The following CNTN5 variants were observed in gnomAD, a reference collection of about 807,000 sequenced individuals.
The protein encoded by CNTN5 is contactin-5.
CNTN5 carries 77 observed loss-of-function variants against 129.1 expected under a neutral mutation model. The ratio of observed to expected loss-of-function variants is 0.60; its 90% CI spans 0.50 to 0.72. CNTN5 has a LOEUF of 0.72. CNTN5 is among the 30% of genes least tolerant of loss of function. The pLI, the probability that CNTN5 is intolerant of heterozygous loss-of-function variation, is 0.00. For missense variants in CNTN5, 1,478 were observed against 1,328.8 expected (o/e 1.11, Z -1.75); for synonymous variants, 509 against 465.6 (o/e 1.09, Z -1.20).
At chr11:99,726,143 C>T (rs559283128) in intron 3 of CNTN5, among the ~76,000 whole-genome samples, 10 of 152,258 alleles carry the variant, frequency 6.6e-5, no homozygotes, top group Non-Finnish European at 1.3e-4. Flanking sequence ...GGGCCACATC[C>T]ACCATCACTT....
At chr11:100,100,523 T>C (rs887164095) in intron 13 of CNTN5, among the ~76,000 whole-genome samples, 2 of 152,120 alleles carry the variant, frequency 1.3e-5, no homozygotes, top group African/African-American at 4.8e-5. Flanking sequence ...TGTCTCTCCA[T>C]CCACTGTCTG....
At chr11:99,644,482 A>G (rs940378217) in intron 3 of CNTN5, among the ~76,000 whole-genome samples, 1 of 152,156 alleles carries the variant, frequency 6.6e-6, no homozygotes, top group Non-Finnish European at 1.5e-5. Flanking sequence ...AATTCTTCCT[A>G]TCTATAGGAT....
chr11:100,016,007 A>C (rs1940801920), intron 9 of CNTN5, among the ~76,000 whole-genome samples: 1 of 152,104 alleles, frequency 6.6e-6, no homozygotes, highest in Non-Finnish European at 1.5e-5. Flanking sequence ...CATCATATTT[A>C]TTTGTTTTTA....
At chr11:99,923,757 G>A (rs3061404) in intron 7 of CNTN5, among the ~76,000 whole-genome samples, 37,038 of 140,402 alleles carry the variant, frequency 0.26, 4,912 homozygotes, top group East Asian at 0.32. Context: ...CTATCTGTCT[G>A]TCTATCTATC....
intron 2 of CNTN5, among the ~76,000 whole-genome samples, chr11:99,461,435 C>T (rs1944693633): frequency 6.6e-6 from 1 of 151,956 alleles, no homozygotes; most frequent in Non-Finnish European, 1.5e-5. Flanking sequence ...CCCAAGAGAT[C>T]GCCTATGAAG....
At chr11:100,263,159 TA>T (rs1349327579) in intron 17 of CNTN5, among the ~76,000 whole-genome samples, 1 of 152,156 alleles carries the variant, frequency 6.6e-6, no homozygotes. Context: ...AACATACTGG[TA>T]TTTGAAAAGT....
At chr11:99,673,241 A>C (rs1953124293) in intron 3 of CNTN5, among the ~76,000 whole-genome samples, 1 of 152,218 alleles carries the variant, frequency 6.6e-6, no homozygotes, top group African/African-American at 2.4e-5. Context: ...CTGTGTCAAA[A>C]TTGAAAAACA....
chr11:99,981,331 T>C (rs1018766467), intron 8 of CNTN5, among the ~76,000 whole-genome samples: 2 of 151,990 alleles, frequency 1.3e-5, no homozygotes, highest in African/African-American at 4.8e-5. Flanking sequence ...GTGTAAGCCA[T>C]GGAGTCCGAA....
chr11:99,280,193 A>G (rs1863630331), intron 1 of CNTN5, among the ~76,000 whole-genome samples: 1 of 151,748 alleles, frequency 6.6e-6, no homozygotes, highest in Non-Finnish European at 1.5e-5. Flanking sequence ...AAAATACTAT[A>G]TATTTTTTCT....
intron 7 of CNTN5, among the ~76,000 whole-genome samples, chr11:99,927,444 A>C (rs1205734633): frequency 6.6e-6 from 1 of 152,172 alleles, no homozygotes; most frequent in Non-Finnish European, 1.5e-5. Flanking sequence ...GAAATACCTG[A>C]GACTGGGTAA....
chr11:99,788,135 C>G (rs944979006), intron 3 of CNTN5, among the ~76,000 whole-genome samples: 3 of 151,938 alleles, frequency 2.0e-5, no homozygotes, highest in African/African-American at 7.2e-5. Flanking sequence ...AGTTTGTACA[C>G]TTTTTCTGTA....
intron 18 of CNTN5, among the ~76,000 whole-genome samples, chr11:100,279,227 G>A (rs1471124020): frequency 6.6e-6 from 1 of 151,352 alleles, no homozygotes; most frequent in Admixed American, 6.6e-5. Flanking sequence ...GAGAAATTTT[G>A]CATTGATACT....
chr11:99,796,846 A>G (rs1945959706), intron 3 of CNTN5, among the ~76,000 whole-genome samples: 1 of 151,858 alleles, frequency 6.6e-6, no homozygotes, highest in African/African-American at 2.4e-5. Flanking sequence ...TTCCCCTACT[A>G]CATCTCTAAG....
intron 3 of CNTN5, among the ~76,000 whole-genome samples, chr11:99,678,518 T>G (rs1190348565): frequency 2.0e-5 from 3 of 152,060 alleles, no homozygotes; most frequent in African/African-American, 7.2e-5. Context: ...AGTCAGCACT[T>G]ATACGAGAAA....
intron 6 of CNTN5, among the ~76,000 whole-genome samples, chr11:99,879,334 TAAAC>T (rs1182698737): frequency 2.6e-5 from 4 of 152,170 alleles, no homozygotes; most frequent in African/African-American, 7.2e-5. Flanking sequence ...GAAAAATAAA[TAAAC>T]AAAACTGCAT....
intron 9 of CNTN5, among the ~76,000 whole-genome samples, chr11:100,037,227 A>C (rs573650890): frequency 1.5e-4 from 22 of 145,336 alleles, no homozygotes; most frequent in African/African-American, 2.4e-4. Flanking sequence ...TGAGATAATC[A>C]TGTGGTTTTT....
intron 13 of CNTN5, among the ~76,000 whole-genome samples, chr11:100,139,701 T>C (rs1011356093): frequency 2.0e-5 from 3 of 151,938 alleles, no homozygotes; most frequent in African/African-American, 7.3e-5. Context: ...CTATCTCTAC[T>C]GAAAATACAA....
chr11:99,669,736 C>A (rs1221872044), intron 3 of CNTN5, among the ~76,000 whole-genome samples: 1 of 152,086 alleles, frequency 6.6e-6, no homozygotes, highest in Non-Finnish European at 1.5e-5. Flanking sequence ...TTACCCAGTT[C>A]TAGAATTCCG....
chr11:100,017,270 T>C (rs1280224527), intron 9 of CNTN5, among the ~76,000 whole-genome samples: 1 of 151,950 alleles, frequency 6.6e-6, no homozygotes, highest in Non-Finnish European at 1.5e-5. Flanking sequence ...AGAGGAAGAA[T>C]ATCTTCAAGC....
Sources: gnomAD v4.1 joint callset for allele counts (sites outside exome capture counted in the v4.1 genomes callset) on GRCh38, gnomAD v4.1.1 for gene constraint, MANE v1.5 for transcripts, NCBI Gene and HGNC (gene_info 2026-07-23, HGNC 2026-07-21) for gene names.